Variants in CFAP74 observed in about 807,000 individuals in gnomAD.
CFAP74 encodes cilia and flagella associated protein 74.
A neutral mutation model predicts 188.9 loss-of-function variants in CFAP74; 124 were observed. That is an observed-to-expected ratio of 0.66 (90% confidence interval 0.57 to 0.76). The LOEUF (loss-of-function observed/expected upper bound fraction) is 0.76. Among genes scored for constraint, CFAP74 ranks in the 30% least tolerant of loss-of-function variants. CFAP74 has a pLI of 0.00. For synonymous variants in CFAP74, 956 were observed against 916.7 expected, an observed-to-expected ratio of 1.04 and a Z score of -0.77; for missense variants, 2,198 against 2,165.2, an observed-to-expected ratio of 1.02 and a Z score of -0.30.
At chr1:1,963,972 C>G in intron 13 of CFAP74, 105 bp from the exon 14 acceptor site, 1 of 763,206 alleles carries the variant, frequency 1.3e-6, no homozygotes, top group South Asian at 1.5e-5. Flanking sequence ...CATTTGCCAA[C>G]TAGGGAGAGG....
At chr1:1,992,568 G>C (rs1410584144) in intron 1 of CFAP74, among the ~76,000 whole-genome samples, 1 of 151,844 alleles carries the variant, frequency 6.6e-6, no homozygotes, top group African/African-American at 2.4e-5. Context: ...CTGCCTCCTG[G>C]GTTCACGCCC....
At chr1:1,928,027 G>A in intron 27 of CFAP74, 1 of 477,728 alleles carries the variant, frequency 2.1e-6, no homozygotes, top group Non-Finnish European at 3.8e-6. Flanking sequence ...CCACCCTGGT[G>A]CCTTCCCCTA....
At chr1:1,937,736 A>G (rs1652996377) in intron 25 of CFAP74, among the ~76,000 whole-genome samples, 1 of 152,148 alleles carries the variant, frequency 6.6e-6, no homozygotes, top group Non-Finnish European at 1.5e-5. Context: ...CCTGGGGTCC[A>G]GTTTCATCTC....
chr1:1,925,935 G>C lies in CFAP74; in HGVS notation c.3952C>G (p.Gln1318Glu). ...SFSPHESILA[Q>E]ETLDIITKRG... ...TTGGTGATGATGTCCAGTGTTTCTT[G>C]AGCCTAAAGAGACCACATCGCTCAG... Residue 1318 changes from glutamine (Q) to glutamate (E), a missense_variant, in exon 33 of 39, where the codon CAA becomes GAA. Coordinates refer to ENST00000682832, the MANE Select transcript of CFAP74 (RefSeq NM_001304360.2). 6.2e-7 allele frequency: 1 copy of C among 1,604,004 alleles called. No homozygotes were observed. Among genetic ancestry groups the C allele is most frequent in the Non-Finnish European group, 8.5e-7 (1 of 1,175,710 alleles).
At chr1:1,993,937 A>G (rs61777033) in intron 1 of CFAP74, among the ~76,000 whole-genome samples, 1,563 of 150,728 alleles carry the variant, frequency 0.01, 4 homozygotes, top group Non-Finnish European at 0.014. Context: ...AGCCGAGATC[A>G]CACCACTGCA....
At position 1,925,898 on chromosome 1, in the gene CFAP74, A is replaced by G. The variant is rs774421767; in HGVS notation, c.3989T>C (p.Leu1330Pro). The G allele has an allele frequency of 4.3e-6, 7 of 1,612,512 alleles. No individual in the cohort carries two copies. The highest frequency in any genetic ancestry group is 5.9e-6 in the Non-Finnish European group (7 of 1,179,840). ...GCCAGTGCCCATGAGGGTGAGGGTGAGCGTGCCTCTCTTGGTGATGATGTC... is the reference window on the plus strand; with the variant it reads ...GCCAGTGCCCATGAGGGTGAGGGTGGGCGTGCCTCTCTTGGTGATGATGTC... ...TLDIITKRGT[L>P]TLTLMGTGVA... Residue 1330 changes from leucine to proline, a missense_variant, in exon 33 of 39, where the codon CTC becomes CCC. Coordinates refer to ENST00000682832, the MANE Select transcript of CFAP74 (RefSeq NM_001304360.2).
chr1:1,988,509 C>T lies in CFAP74; in HGVS notation c.296+3G>A. 6.2e-7 allele frequency: 1 copy of T among 1,611,094 alleles called. No individual in the cohort carries two copies. Among genetic ancestry groups the T allele is most frequent in the Non-Finnish European group, 8.5e-7 (1 of 1,179,986 alleles). ...AGGTGCAGCGGCCTCAGCCCCAGCT[C>T]ACCTCATCTTCTCAGTGAAAAGCTC... On this transcript the variant is annotated splice_donor_region_variant and intron_variant, in intron 4 of 38. Coordinates refer to ENST00000682832, the MANE Select transcript of CFAP74 (RefSeq NM_001304360.2).
intron 4 of CFAP74, among the ~76,000 whole-genome samples, chr1:1,987,483 G>C (rs915115994): frequency 6.6e-6 from 1 of 152,116 alleles, no homozygotes; most frequent in Non-Finnish European, 1.5e-5. Context: ...GTAGCTCCTG[G>C]GGGCGACTCA....
At position 1,959,949 on chromosome 1, in the gene CFAP74, G is replaced by T. The variant is rs779377547; in HGVS notation, c.1761+15C>A. 3 of 1,577,810 alleles carry T rather than the reference G, an allele frequency of 1.9e-6. No individual in the cohort carries two copies. Among genetic ancestry groups the T allele is most frequent in the Non-Finnish European group, 2.6e-6 (3 of 1,163,642 alleles). On this transcript the variant is annotated intron_variant, in intron 15 of 38. Transcript: ENST00000682832. ...CCACCTCCCCTTCGAGAGAGAACGG[G>T]CCCCTCTGACTCACCATCGGCTTGA...
intron 23 of CFAP74, 116 bp from the exon 24 acceptor site, chr1:1,939,883 G>C: frequency 9.8e-7 from 1 of 1,020,044 alleles, no homozygotes; most frequent in East Asian, 2.6e-5. Flanking sequence ...ACTGTTTCCA[G>C]GACACGACGA....
At chr1:1,988,099 A>C in intron 4 of CFAP74, 1 of 471,920 alleles carries the variant, frequency 2.1e-6, no homozygotes, top group Non-Finnish European at 4.4e-6. Flanking sequence ...GTGCGCCACC[A>C]CTCTCCGCTG....
intron 9 of CFAP74, among the ~76,000 whole-genome samples, chr1:1,971,338 C>T (rs1004190307): frequency 6.6e-6 from 1 of 151,766 alleles, no homozygotes; most frequent in Non-Finnish European, 1.5e-5. Context: ...CACCTGCACA[C>T]ACGTGCACAC....
In CFAP74 at chr1:1,991,037, A is replaced by G. The variant is rs539696281; in HGVS notation, c.-19-62T>C. ...TCATAGATTTAAAAGACGGTGAATT[A>G]ACCATTTCTCTTAAAGAAGGCATTA... is the stretch of plus-strand genomic sequence containing the variant. On this transcript the variant is annotated intron_variant, in intron 1 of 38. Coordinates refer to ENST00000682832, the MANE Select transcript of CFAP74 (RefSeq NM_001304360.2). 3 of 1,179,876 alleles carry G rather than the reference A, an allele frequency of 2.5e-6. No homozygotes were observed. In the East Asian group the frequency reaches 7.4e-5, roughly 29 times the overall value. The allele number at this position is 1,179,876 out of a possible 1,614,324, so 73.1% of individuals were successfully genotyped here. A position where few individuals can be genotyped will look rare whatever the true frequency, so the allele number is the denominator to read the frequency against.
chr1:1,960,466 T>C (rs1046639241), intron 14 of CFAP74, among the ~76,000 whole-genome samples: 1 of 152,194 alleles, frequency 6.6e-6, no homozygotes, highest in Non-Finnish European at 1.5e-5. Context: ...CTGAGACAGC[T>C]GGGACCCTCG....
At chr1:1,943,914 G>A (rs1351287445) in intron 21 of CFAP74, among the ~76,000 whole-genome samples, 6 of 152,146 alleles carry the variant, frequency 3.9e-5, no homozygotes, top group African/African-American at 1.4e-4. Context: ...CAGTGTCCCC[G>A]GGCTCGGGGC....
At chr1:1,945,282 A>G (rs907994265) in intron 20 of CFAP74, among the ~76,000 whole-genome samples, 1 of 152,144 alleles carries the variant, frequency 6.6e-6, no homozygotes, top group African/African-American at 2.4e-5. Context: ...CTTCTCCCCA[A>G]GCACTGACTC....
intron 6 of CFAP74, among the ~76,000 whole-genome samples, chr1:1,981,421 C>G (rs1305638117): frequency 2.0e-5 from 3 of 151,668 alleles, no homozygotes; most frequent in African/African-American, 7.3e-5. Flanking sequence ...CACGGGGGCA[C>G]GCAGGACACC....
intron 26 of CFAP74, among the ~76,000 whole-genome samples, chr1:1,929,515 G>A (rs1286176250): frequency 6.6e-6 from 1 of 150,572 alleles, no homozygotes; most frequent in East Asian, 2.0e-4. Flanking sequence ...TCGCTAAGTT[G>A]AATGAAATCC....
intron 27 of CFAP74, 92 bp from the exon 28 acceptor site, chr1:1,927,838 G>T: frequency 7.1e-7 from 1 of 1,403,552 alleles, no homozygotes; most frequent in Admixed American, 2.6e-5. Flanking sequence ...TGCGGGAACC[G>T]CGGGAGCCGC....
Sources: gnomAD v4.1 joint callset for allele counts (sites outside exome capture counted in the v4.1 genomes callset) on GRCh38, gnomAD v4.1.1 for gene constraint, MANE v1.5 for transcripts, NCBI Gene and HGNC (gene_info 2026-07-23, HGNC 2026-07-21) for gene names.